MCF2L: variants seen among roughly 807,000 people sequenced by gnomAD.
MCF2L encodes the protein guanine nucleotide exchange factor DBS.
Under a neutral mutation model 153.4 loss-of-function variants are expected in MCF2L, and 97 were observed. The observed-to-expected ratio is 0.63, with a 90% confidence interval of 0.54 to 0.75. The LOEUF is 0.75. MCF2L is among the 30% of genes least tolerant of loss of function. MCF2L has a pLI of 0.00. For missense variants in MCF2L, 1,347 were observed against 1,495.2 expected (o/e 0.90, Z 1.64); for synonymous variants, 659 against 632.2 (o/e 1.04, Z -0.64).
intron 2 of MCF2L, among the ~76,000 whole-genome samples, chr13:112,948,882 A>G (rs780009326): frequency 3.6e-4 from 55 of 152,224 alleles, no homozygotes; most frequent in Admixed American, 6.5e-4. Context: ...CCTGACCAAT[A>G]TGGTGAAACC....
At chr13:112,990,120 C>T (rs879824625) in intron 1 of MCF2L, among the ~76,000 whole-genome samples, 6 of 152,190 alleles carry the variant, frequency 3.9e-5, no homozygotes, top group South Asian at 4.1e-4. Context: ...CTGTGCAGCC[C>T]GACCAGTACC....
At chr13:112,979,569 G>A (rs2082328764) in intron 1 of MCF2L, 17 of 1,574,492 alleles carry the variant, frequency 1.1e-5, no homozygotes, top group South Asian at 2.3e-5. Flanking sequence ...GCAGAGACCC[G>A]AAGGCTGTGG....
At chr13:113,016,871 T>C (rs1227527710) in intron 2 of MCF2L, among the ~76,000 whole-genome samples, 1 of 152,188 alleles carries the variant, frequency 6.6e-6, no homozygotes, top group Non-Finnish European at 1.5e-5. Flanking sequence ...TCCTCCCGTG[T>C]GTGGCGTGGG....
At chr13:113,037,749 G>A (rs4907576) in intron 3 of MCF2L, among the ~76,000 whole-genome samples, 125,140 of 152,228 alleles carry the variant, frequency 0.82, 51,684 homozygotes, top group African/African-American at 0.9. Context: ...TTCATGGTGA[G>A]GTATTGAACG....
chr13:113,087,143 G>T, intron 21 of MCF2L, 92 bp from the exon 22 acceptor site: 1 of 1,131,790 alleles, frequency 8.8e-7, no homozygotes, highest in African/African-American at 1.5e-5. Context: ...CCGTGGGTGG[G>T]CTTTGCAGAG....
intron 2 of MCF2L, among the ~76,000 whole-genome samples, chr13:112,927,938 C>T (rs1404605774): frequency 6.6e-6 from 1 of 152,166 alleles, no homozygotes; most frequent in African/African-American, 2.4e-5. Flanking sequence ...AGGCTATGGA[C>T]TGGATAAGAT....
chr13:113,096,872 G>C lies in MCF2L; in HGVS notation c.*13G>C. The C allele has an allele frequency of 1.4e-6, 2 of 1,407,432 alleles. No individual in the cohort carries two copies. The highest frequency in any genetic ancestry group is 1.8e-6 in the Non-Finnish European group (2 of 1,088,240). 87.2% of individuals were successfully genotyped at this position (1,407,432 alleles called of 1,614,324 possible). On this transcript the variant is annotated 3_prime_UTR_variant, in exon 30 of 30. Transcript: ENST00000535094. Reference sequence around the variant, plus strand: ...CCTGCAGGGGTAGCGCGGCCTCGGCGCCGGAGACCCGCGCGCTGTCTGGGG... The same window carrying C: ...CCTGCAGGGGTAGCGCGGCCTCGGCCCCGGAGACCCGCGCGCTGTCTGGGG...
chr13:112,933,288 G>A (rs1413148230), intron 2 of MCF2L, among the ~76,000 whole-genome samples: 4 of 152,186 alleles, frequency 2.6e-5, no homozygotes, highest in Non-Finnish European at 4.4e-5. Context: ...TTGGAATTTC[G>A]GAGGTTCCTC....
At chr13:113,017,644 C>T (rs1057454634) in intron 2 of MCF2L, among the ~76,000 whole-genome samples, 3 of 152,156 alleles carry the variant, frequency 2.0e-5, no homozygotes, top group African/African-American at 7.2e-5. Context: ...CAAGGGGGCT[C>T]CCCTCCCGCC....
At chr13:113,007,916 CTTTT>C (rs55800416) in intron 1 of MCF2L, among the ~76,000 whole-genome samples, 5 of 112,948 alleles carry the variant, frequency 4.4e-5, no homozygotes, top group East Asian at 2.6e-4. Context: ...TTTTCTTTTT[CTTTT>C]TTTTTTTTTT....
At chr13:113,079,530 A>G (rs2033873389) in intron 15 of MCF2L, among the ~76,000 whole-genome samples, 1 of 152,210 alleles carries the variant, frequency 6.6e-6, no homozygotes, top group Non-Finnish European at 1.5e-5. Flanking sequence ...CAAAATCAGG[A>G]AAGAAGAAAA....
At position 113,055,382 on chromosome 13, in the gene MCF2L, CCACACACACACA is replaced by C. The variant is rs59884971; in HGVS notation, c.370-5159_370-5148del. Among the ~76,000 whole-genome samples the C allele has an allele frequency of 6.5e-3, 99 of 15,244 alleles. 11 individuals are homozygous for C. The highest frequency in any genetic ancestry group is 0.017 in the African/African-American group (59 of 3,382). The allele number at this position is 15,244 out of a possible 152,430, so 10.0% of individuals were successfully genotyped here. A position where few individuals can be genotyped will look rare whatever the true frequency, so the allele number is the denominator to read the frequency against. ...CTGGAGACGTGGACCCCCCCCCCCG[CCACACACACACA>C]CACACACACACACACACACACACAC... On this transcript the variant is annotated intron_variant, in intron 4 of 29. Coordinates refer to ENST00000535094, the MANE Select transcript of MCF2L (RefSeq NM_001112732.3).
At chr13:112,949,737 G>T (rs1488746554) in intron 2 of MCF2L, among the ~76,000 whole-genome samples, 1 of 151,324 alleles carries the variant, frequency 6.6e-6, no homozygotes, top group Non-Finnish European at 1.5e-5. Context: ...GTAGAGGGGG[G>T]GACCGTCTTA....
chr13:113,092,462 C>T (rs945887379), intron 26 of MCF2L, among the ~76,000 whole-genome samples: 37 of 150,754 alleles, frequency 2.5e-4, no homozygotes, highest in African/African-American at 8.8e-4. Context: ...TCATTTCCAC[C>T]GTGGCCAGTG....
At chr13:113,085,303 T>A (rs908876962) in intron 20 of MCF2L, 125 bp downstream of exon 20, 1 of 756,458 alleles carries the variant, frequency 1.3e-6, no homozygotes, top group Non-Finnish European at 2.2e-6. Context: ...CTTCCGAGCC[T>A]GTGCTGAGGC....
intron 23 of MCF2L, 25 bp from the exon 24 acceptor site, chr13:113,088,302 C>G: frequency 6.2e-7 from 1 of 1,603,544 alleles, no homozygotes; most frequent in Non-Finnish European, 8.5e-7. Context: ...GTACTCACCT[C>G]CTGGCGTTTC....
chr13:113,031,870 A>G lies in MCF2L; in HGVS notation c.278+7112A>G, dbSNP rs1262416819. Among the ~76,000 whole-genome samples, 1 of 80,436 alleles carries G rather than the reference A, an allele frequency of 1.2e-5. No homozygotes were observed. Among genetic ancestry groups the G allele is most frequent in the Non-Finnish European group, 2.3e-5 (1 of 43,340 alleles). 52.8% of individuals were successfully genotyped at this position (80,436 alleles called of 152,430 possible). A position where few individuals can be genotyped will look rare whatever the true frequency, so the allele number is the denominator to read the frequency against. On this transcript the variant is annotated intron_variant, in intron 3 of 29. Coordinates refer to ENST00000535094, the MANE Select transcript of MCF2L (RefSeq NM_001112732.3). The surrounding 1 kb of genome is among the most constrained non-coding windows in gnomAD (Gnocchi z 5.5). Reference sequence around the variant, plus strand: ...ACCTACACAGGCTTGCACATGCCACACACACACACACACACACACAGATGC... The same window carrying G: ...ACCTACACAGGCTTGCACATGCCACGCACACACACACACACACACAGATGC...
intron 26 of MCF2L, chr13:113,091,216 A>G (rs2035178398): frequency 1.5e-6 from 2 of 1,303,286 alleles, no homozygotes; most frequent in Admixed American, 2.3e-5. Flanking sequence ...ACCCTCGGGC[A>G]CGGCACCCAC....
Position 113,074,642 on chromosome 13 carries a change from G to A in MCF2L, c.1116+79G>A. On this transcript the variant is annotated intron_variant, in intron 10 of 29. Coordinates refer to ENST00000535094, the MANE Select transcript of MCF2L (RefSeq NM_001112732.3). This position sits in a 1 kb window ranked among gnomAD's most constrained non-coding sequence, Gnocchi z 4.2. ...TGCTGCTCAGGAAGGCGCAGGAATG[G>A]GCCTCCCGCCTACGGAGAACGGACC... 2 of 1,577,076 alleles carry A rather than the reference G, an allele frequency of 1.3e-6. No individual in the cohort carries two copies. Among genetic ancestry groups the A allele is most frequent in the South Asian group, 2.2e-5 (2 of 89,244 alleles).
Sources: gnomAD v4.1 joint callset for allele counts (sites outside exome capture counted in the v4.1 genomes callset) on GRCh38, gnomAD v4.1.1 for gene constraint, Gnocchi (gnomAD v3.1) non-coding constraint, MANE v1.5 for transcripts, NCBI Gene and HGNC (gene_info 2026-07-23, HGNC 2026-07-21) for gene names.